The following CEP152 variants were observed in gnomAD, a reference collection of about 807,000 sequenced individuals.
CEP152 encodes centrosomal protein 152, also known as centrosomal protein of 152 kDa.
Under a neutral mutation model 188.9 loss-of-function variants are expected in CEP152, and 132 were observed. That is an observed-to-expected ratio of 0.70 (90% CI 0.61 to 0.81). The LOEUF is 0.81. Ranked by LOEUF, CEP152 falls within the 30% of genes least tolerant of loss-of-function variation. The pLI is 0.00. For synonymous variants in CEP152, 649 were observed against 666.6 expected (o/e 0.97, Z 0.41); for missense variants, 1,914 against 1,969.8 (o/e 0.97, Z 0.54).
chr15:48,790,739 G>T (rs1896941057), intron 8 of CEP152, among the ~76,000 whole-genome samples: 4 of 152,072 alleles, frequency 2.6e-5, no homozygotes, highest in Admixed American at 2.6e-4. Context: ...GCTAATTTTT[G>T]TACTTTTTAA....
Position 48,797,427 on chromosome 15 carries a change from A to T in CEP152, c.414T>A (p.Cys138Ter). ...GGSGYSPPSKCEQTDLYHLPE... is the reference protein window; with the variant it reads ...GGSGYSPPSK The stretch of plus-strand genomic sequence containing the variant: ...GAAGGTGATATAAATCAGTCTGTTC[A>T]CATTTACTTGGAGGACTATAACCAC... The change falls in exon 5 of 27, where the codon TGT becomes TGA. Residue 138 changes from cysteine (C) to a stop codon, truncating the protein, a stop_gained. Coordinates refer to ENST00000380950, the MANE Select transcript of CEP152 (RefSeq NM_001194998.2). LOFTEE classifies it high-confidence loss of function. 6.2e-7 allele frequency: 1 copy of T among 1,614,174 alleles called. No individual in the cohort carries two copies. The highest frequency in any genetic ancestry group is 8.5e-7 in the Non-Finnish European group (1 of 1,180,012).
Position 48,772,610 on chromosome 15 carries a change from C to A in CEP152, c.1659G>T (p.Leu553Phe). 1.9e-6 allele frequency: 3 copies of A among 1,614,108 alleles called. No homozygotes were observed. The highest frequency in any genetic ancestry group is 2.5e-6 in the Non-Finnish European group (3 of 1,180,010). ...ILKLKAEVQR[L>F]LGSNSMKRHL... ...GACGCTTCATTGAGTTGCTACCCAG[C>A]AAACGCTGTACTTCTGCCTTTAACT... The change falls in exon 13 of 27, where the codon TTG (leucine) becomes TTT (phenylalanine). Residue 553 changes from leucine to phenylalanine, a missense_variant. Transcript: ENST00000380950.
intron 9 of CEP152, among the ~76,000 whole-genome samples, chr15:48,787,162 C>CTTTTTTTTTTTTTTTT (rs1567018509): frequency 2.7e-5 from 1 of 37,138 alleles, no homozygotes. Flanking sequence ...GTATAGCCTT[C>CTTTTTTTTTTTTTTTT]GTTTTTTTTT....
chr15:48,741,482 T>A (rs899143179), intron 26 of CEP152, 119 bp downstream of exon 26: 1 of 1,582,058 alleles, frequency 6.3e-7, no homozygotes, highest in Non-Finnish European at 8.6e-7. Context: ...AAGTAAAACA[T>A]ACAAAACTTC....
rs781479014 is a variant in CEP152, at chr15:48,753,456, GA to G, written c.3346-988del. 1.1e-4 allele frequency among the ~76,000 whole-genome samples: 16 copies of G among 152,322 alleles called. No homozygotes were observed. In the East Asian group the frequency reaches 2.7e-3, roughly 26 times the overall value. On this transcript the variant is annotated intron_variant, in intron 20 of 26. Transcript: ENST00000380950. Reference sequence around the variant, plus strand: ...AACATACTATATATGCCTGATTCTAGAAGCCTTGATTTTGATTATGAGAAAC... The same window carrying G: ...AACATACTATATATGCCTGATTCTAGAGCCTTGATTTTGATTATGAGAAAC...
chr15:48,787,243 C>T (rs1262758864), intron 9 of CEP152, among the ~76,000 whole-genome samples: 1 of 137,806 alleles, frequency 7.3e-6, no homozygotes, highest in Non-Finnish European at 1.5e-5. Flanking sequence ...TCATGGCTCA[C>T]TGCAGCCTCG....
At chr15:48,790,804 G>T in intron 8 of CEP152, among the ~76,000 whole-genome samples, 1 of 152,176 alleles carries the variant, frequency 6.6e-6, no homozygotes, top group Non-Finnish European at 1.5e-5. Flanking sequence ...CTGACCTCAG[G>T]TGATTCGACC....
rs373175117 is a variant in CEP152, at chr15:48,806,916, A to G, written c.-7-1260T>C. ...TGTGAAAAGAAAATATGCAAGCTAG[A>G]ATAGATGAATATGGTATTAAAGATT... On this transcript the variant is annotated intron_variant, in intron 1 of 26. Coordinates refer to ENST00000380950, the MANE Select transcript of CEP152 (RefSeq NM_001194998.2). Among the ~76,000 whole-genome samples the G allele has an allele frequency of 3.9e-5, 6 of 152,222 alleles. No individual in the cohort carries two copies. In the East Asian group the frequency reaches 5.8e-4, roughly 15 times the overall value.
chr15:48,799,407 C>A (rs986027024), intron 2 of CEP152, among the ~76,000 whole-genome samples: 17 of 152,056 alleles, frequency 1.1e-4, no homozygotes, highest in Non-Finnish European at 2.4e-4. Context: ...GGAATGGGAA[C>A]AGAGTATGTT....
At chr15:48,735,076 T>G (rs1892551222), downstream of CEP152, among the ~76,000 whole-genome samples, 1 of 152,172 alleles carries the variant, frequency 6.6e-6, no homozygotes. Flanking sequence ...TCTTTTCAGG[T>G]GCATGTGAAA....
intron 9 of CEP152, among the ~76,000 whole-genome samples, chr15:48,784,676 CT>C (rs1896506664): frequency 6.6e-6 from 1 of 152,128 alleles, no homozygotes; most frequent in Admixed American, 6.5e-5. Context: ...CTTTCTCCAC[CT>C]TTTAGATGTC....
downstream of CEP152, among the ~76,000 whole-genome samples, chr15:48,737,103 G>A (rs1227079411): frequency 2.6e-5 from 4 of 152,112 alleles, no homozygotes. Context: ...AAGAGTTAAG[G>A]TGACAGAGCT....
At chr15:48,806,777 A>T (rs1898010933) in intron 1 of CEP152, among the ~76,000 whole-genome samples, 1 of 152,246 alleles carries the variant, frequency 6.6e-6, no homozygotes, top group South Asian at 2.1e-4. Context: ...CAGATCTAAG[A>T]TGTCTTTGAT....
chr15:48,798,946 T>C (rs958468693), intron 2 of CEP152, among the ~76,000 whole-genome samples: 1 of 152,304 alleles, frequency 6.6e-6, no homozygotes, highest in South Asian at 2.1e-4. Flanking sequence ...AATCCCAATA[T>C]AATGTATTTC....
At chr15:48,746,040 T>C (rs541099842) in intron 22 of CEP152, among the ~76,000 whole-genome samples, 8 of 152,294 alleles carry the variant, frequency 5.3e-5, no homozygotes, top group South Asian at 2.1e-4. Context: ...TAACTTTTTG[T>C]TTTAAACAAC....
chr15:48,781,130 T>C (rs1010656997), intron 12 of CEP152, 66 bp downstream of exon 12: 2 of 1,366,682 alleles, frequency 1.5e-6, no homozygotes, highest in Non-Finnish European at 2.1e-6. Flanking sequence ...TTAAAACAGA[T>C]ACCATGCATC....
intron 12 of CEP152, chr15:48,773,271 A>T (rs186954704): frequency 6.5e-6 from 1 of 153,724 alleles, no homozygotes; most frequent in East Asian, 1.9e-4. Flanking sequence ...CTTCCTCCTT[A>T]AAAAACTAGC....
rs138817513 is a variant in CEP152, at chr15:48,762,442, C to T, written c.2511G>A (p.Lys837=). The change falls in exon 18 of 27, where the codon AAG becomes AAA. Residue 837 remains lysine, a synonymous_variant. Transcript: ENST00000380950. The part of the protein sequence containing the change: ...EKDIAIKGAM[K]KLEIELELKH... ...TGAGTTCCAATTCAATTTCGAGTTTCTTCATAGCCCCCTTGATGGCTATGT... is the reference window on the plus strand; with the variant it reads ...TGAGTTCCAATTCAATTTCGAGTTTTTTCATAGCCCCCTTGATGGCTATGT... 4 of 1,614,048 alleles carry T rather than the reference C, an allele frequency of 2.5e-6. No individual in the cohort carries two copies. The highest frequency in any genetic ancestry group is 3.4e-6 in the Non-Finnish European group (4 of 1,179,960).
chr15:48,733,409 T>C (rs1435536528), downstream of CEP152, among the ~76,000 whole-genome samples: 1 of 152,148 alleles, frequency 6.6e-6, no homozygotes, highest in African/African-American at 2.4e-5. Context: ...AATTCCTAGA[T>C]AGGCTAAACA....
Sources: gnomAD v4.1 joint callset for allele counts (sites outside exome capture counted in the v4.1 genomes callset) on GRCh38, gnomAD v4.1.1 for gene constraint, MANE v1.5 for transcripts, NCBI Gene and HGNC (gene_info 2026-07-23, HGNC 2026-07-21) for gene names.